Variants in SGCZ observed in about 807,000 individuals in gnomAD.
The protein encoded by SGCZ is sarcoglycan zeta, also known as zeta-sarcoglycan.
In SGCZ, 40 loss-of-function variants were observed where a neutral mutation model predicts 41.3. The ratio of observed to expected loss-of-function variants is 0.97; its 90% CI spans 0.75 to 1.26. The LOEUF is 1.26. Among genes scored for constraint, SGCZ ranks in the 50% most tolerant of loss-of-function variants. SGCZ has a pLI of 0.00. For synonymous variants in SGCZ, 206 were observed against 137.5 expected (o/e 1.50, Z -3.49); for missense variants, 552 against 369.8 (o/e 1.49, Z -4.04).
At position 14,182,174 on chromosome 8, in the gene SGCZ, G is replaced by A. The variant is rs984423730; in HGVS notation, c.425-17472C>T. Among the ~76,000 whole-genome samples, 5 of 152,230 alleles carry A rather than the reference G, an allele frequency of 3.3e-5. No homozygotes were observed. The East Asian group carries it at 9.7e-4, about 29-fold the overall frequency. On this transcript the variant is annotated intron_variant, in intron 4 of 7. Coordinates refer to ENST00000382080, the MANE Select transcript of SGCZ (RefSeq NM_139167.4). ...GACTCTGACACAAAATTGGGGGAAA[G>A]AATGCAAAATCTAGAGAACAGTATG... is the stretch of plus-strand genomic sequence containing the variant.
intron 2 of SGCZ, among the ~76,000 whole-genome samples, chr8:14,482,705 T>C (rs1250384050): frequency 6.6e-6 from 1 of 151,838 alleles, no homozygotes; most frequent in East Asian, 2.0e-4. Flanking sequence ...CCAATGAGGG[T>C]GGGGATCATA....
chr8:15,156,753 G>A (rs560428983), intron 1 of SGCZ, among the ~76,000 whole-genome samples: 77 of 152,078 alleles, frequency 5.1e-4, no homozygotes, highest in Middle Eastern at 3.4e-3. Flanking sequence ...AGACCAGCCT[G>A]GCCAACATGG....
At chr8:14,807,958 C>A (rs1203834457) in intron 1 of SGCZ, among the ~76,000 whole-genome samples, 1 of 151,474 alleles carries the variant, frequency 6.6e-6, no homozygotes, top group East Asian at 1.9e-4. Context: ...TTTGACAAAC[C>A]TGAGAAAAAC....
chr8:14,656,922 A>G (rs1024131362), intron 1 of SGCZ, among the ~76,000 whole-genome samples: 2 of 151,968 alleles, frequency 1.3e-5, no homozygotes, highest in Non-Finnish European at 2.9e-5. Context: ...AAATTAAAAT[A>G]CTAGAAACAA....
At chr8:15,218,970 A>G (rs970186898) in intron 1 of SGCZ, among the ~76,000 whole-genome samples, 1 of 152,210 alleles carries the variant, frequency 6.6e-6, no homozygotes. Context: ...AAAGAGAATG[A>G]GCGATCACTG....
intron 2 of SGCZ, among the ~76,000 whole-genome samples, chr8:14,370,598 C>A (rs989864339): frequency 6.6e-6 from 1 of 151,640 alleles, no homozygotes; most frequent in Non-Finnish European, 1.5e-5. Context: ...TAAGTATTTT[C>A]TATTTATATT....
At chr8:15,053,907 A>ATTCTT (rs1804611472) in intron 1 of SGCZ, among the ~76,000 whole-genome samples, 1 of 152,208 alleles carries the variant, frequency 6.6e-6, no homozygotes, top group East Asian at 1.9e-4. Context: ...ACCAAAACCC[A>ATTCTT]AAATCCCCCA....
intron 1 of SGCZ, among the ~76,000 whole-genome samples, chr8:15,040,285 G>A (rs781226913): frequency 4.6e-5 from 7 of 152,126 alleles, no homozygotes; most frequent in Non-Finnish European, 7.4e-5. Context: ...ATACATGACT[G>A]ATACATTAGT....
chr8:14,562,413 A>T (rs2117209588), intron 1 of SGCZ, among the ~76,000 whole-genome samples: 1 of 152,330 alleles, frequency 6.6e-6, no homozygotes, highest in East Asian at 1.9e-4. Context: ...ATTATCAAGT[A>T]GTAACATGAT....
intron 1 of SGCZ, among the ~76,000 whole-genome samples, chr8:15,209,715 G>A (rs1399589298): frequency 6.6e-6 from 1 of 151,952 alleles, no homozygotes; most frequent in Non-Finnish European, 1.5e-5. Context: ...CATATTTCAA[G>A]TTTGTCTTAT....
intron 7 of SGCZ, among the ~76,000 whole-genome samples, chr8:14,094,559 G>T (rs1005654412): frequency 6.6e-6 from 1 of 151,920 alleles, no homozygotes; most frequent in Non-Finnish European, 1.5e-5. Flanking sequence ...GGTTGGTTCC[G>T]AGTCCCTGCT....
At chr8:14,349,620 G>A (rs1803016154) in intron 2 of SGCZ, among the ~76,000 whole-genome samples, 1 of 152,050 alleles carries the variant, frequency 6.6e-6, no homozygotes, top group Non-Finnish European at 1.5e-5. Flanking sequence ...TAACAAGGAG[G>A]AAAACCCCTG....
At chr8:14,838,905 G>C (rs1406423344) in intron 1 of SGCZ, among the ~76,000 whole-genome samples, 4 of 152,102 alleles carry the variant, frequency 2.6e-5, no homozygotes, top group Non-Finnish European at 5.9e-5. Context: ...AAAGTGGTTA[G>C]AAGTAGGAGA....
At chr8:15,122,728 C>T (rs963023187) in intron 1 of SGCZ, among the ~76,000 whole-genome samples, 1 of 152,082 alleles carries the variant, frequency 6.6e-6, no homozygotes, top group Non-Finnish European at 1.5e-5. Context: ...TTTTATACTA[C>T]TAAAAAAATC....
At chr8:15,230,948 C>A (rs546427182) in intron 1 of SGCZ, among the ~76,000 whole-genome samples, 174 of 152,354 alleles carry the variant, frequency 1.1e-3, no homozygotes, top group Non-Finnish European at 1.9e-3. Context: ...CAAGGTGCCA[C>A]TACTGGTAGA....
intron 1 of SGCZ, among the ~76,000 whole-genome samples, chr8:15,194,132 C>G (rs919480359): frequency 6.6e-6 from 1 of 150,546 alleles, no homozygotes; most frequent in African/African-American, 2.4e-5. Flanking sequence ...AGTTTTAGTA[C>G]TTCTTATCCA....
intron 2 of SGCZ, among the ~76,000 whole-genome samples, chr8:14,476,758 G>A (rs566333511): frequency 6.6e-6 from 1 of 152,132 alleles, no homozygotes; most frequent in Admixed American, 6.6e-5. Context: ...ATGAAGTTGT[G>A]ACAAGTTGGC....
chr8:14,125,281 T>C (rs1438012684), intron 5 of SGCZ, among the ~76,000 whole-genome samples: 1 of 150,658 alleles, frequency 6.6e-6, no homozygotes, highest in Non-Finnish European at 1.5e-5. Context: ...AGGTGGGTGG[T>C]TCACAAGGTC....
intron 1 of SGCZ, among the ~76,000 whole-genome samples, chr8:14,852,128 G>A (rs1272165473): frequency 1.3e-5 from 2 of 152,094 alleles, no homozygotes; most frequent in East Asian, 1.9e-4. Flanking sequence ...TTTTAAAGAG[G>A]CAATGCTTTA....
Sources: allele counts gnomAD v4.1 joint callset (sites outside exome capture counted in the v4.1 genomes callset), GRCh38; gene constraint gnomAD v4.1.1; transcripts MANE v1.5; gene names NCBI Gene and HGNC (gene_info 2026-07-23, HGNC 2026-07-21).